The following BABAM2 variants were observed in gnomAD, a reference collection of about 807,000 sequenced individuals.
The protein encoded by BABAM2 is BRISC and BRCA1-A complex member 2.
In BABAM2, 31 loss-of-function variants were observed where a neutral mutation model predicts 54.7. The ratio of observed to expected loss-of-function variants is 0.57; its 90% CI spans 0.43 to 0.77. The LOEUF is 0.77. Ranked by LOEUF, BABAM2 falls within the 30% of genes least tolerant of loss-of-function variation. The pLI is 0.00. For synonymous variants in BABAM2, 167 were observed against 162.9 expected (o/e 1.03, Z -0.19); for missense variants, 364 against 455.8 (o/e 0.80, Z 1.83).
At chr2:28,111,973 C>T (rs2148727784) in intron 6 of BABAM2, among the ~76,000 whole-genome samples, 1 of 152,222 alleles carries the variant, frequency 6.6e-6, no homozygotes, top group Non-Finnish European at 1.5e-5. Context: ...CACTGAAAAA[C>T]ATCCATAGCT....
intron 11 of BABAM2, among the ~76,000 whole-genome samples, chr2:28,323,395 C>T (rs1296206731): frequency 1.3e-5 from 2 of 152,040 alleles, no homozygotes; most frequent in East Asian, 2.0e-4. Context: ...TCTAGCTAAG[C>T]GCTGGGAGAG....
chr2:28,318,862 C>T (rs143004845), intron 11 of BABAM2, among the ~76,000 whole-genome samples: 122 of 152,288 alleles, frequency 8.0e-4, no homozygotes, highest in African/African-American at 2.6e-3. Context: ...AATGCTGATT[C>T]GTCTGCTTAA....
chr2:28,260,941 C>CTTTTTTTTTT (rs34766123), intron 10 of BABAM2, among the ~76,000 whole-genome samples: 3 of 110,800 alleles, frequency 2.7e-5, no homozygotes, highest in African/African-American at 3.1e-5. Context: ...CATTTTCTTT[C>CTTTTTTTTTT]TTTTTTTTTT....
At chr2:28,004,732 A>G (rs1016347553) in intron 4 of BABAM2, among the ~76,000 whole-genome samples, 2 of 150,554 alleles carry the variant, frequency 1.3e-5, no homozygotes, top group Non-Finnish European at 3.0e-5. Context: ...TCTGTTGCCT[A>G]GGCTGGAAGT....
upstream of BABAM2, chr2:27,890,159 T>A (rs1558562766): frequency 5.4e-6 from 6 of 1,115,310 alleles, no homozygotes; most frequent in Admixed American, 3.9e-5. This position sits in a 1 kb window ranked among gnomAD's most constrained non-coding sequence, Gnocchi z 4.8. Context: ...GCACTGTCTA[T>A]CCCTGGAGAC....
At chr2:28,310,352 C>A in intron 11 of BABAM2, 1 of 531,424 alleles carries the variant, frequency 1.9e-6, no homozygotes, top group Non-Finnish European at 3.3e-6. Context: ...CCTGGCTCCC[C>A]TGGGGGAGGG....
rs143406206 is a variant in BABAM2 at position 28,290,581 on chromosome 2, C to T, written c.935-7757C>T. Among the ~76,000 whole-genome samples, 656 of 152,246 alleles carry T rather than the reference C, an allele frequency of 4.3e-3. 8 individuals carry two copies. Among genetic ancestry groups the T allele is most frequent in the African/African-American group, 0.015 (626 of 41,550 alleles). Reference sequence around the variant, plus strand: ...TACTGAGTGTTTCTCATGTGTCATGCGCTGTACTAAGTGCTAGAAATACTA... The same window carrying T: ...TACTGAGTGTTTCTCATGTGTCATGTGCTGTACTAAGTGCTAGAAATACTA... On this transcript the variant is annotated intron_variant, in intron 10 of 11. Coordinates refer to ENST00000379624, the MANE Select transcript of BABAM2 (RefSeq NM_199191.3).
At chr2:28,221,975 G>A (rs1680460591) in intron 7 of BABAM2, among the ~76,000 whole-genome samples, 1 of 152,204 alleles carries the variant, frequency 6.6e-6, no homozygotes, top group South Asian at 2.1e-4. Flanking sequence ...GAAACATCCA[G>A]AAAAGCAAGT....
chr2:28,221,965 G>A (rs1204586143), intron 7 of BABAM2, among the ~76,000 whole-genome samples: 1 of 152,136 alleles, frequency 6.6e-6, no homozygotes, highest in South Asian at 2.1e-4. Context: ...ATGAAATGAG[G>A]AAACATCCAG....
chr2:27,941,793 C>G (rs1668909267), intron 3 of BABAM2, among the ~76,000 whole-genome samples: 1 of 151,988 alleles, frequency 6.6e-6, no homozygotes, highest in East Asian at 1.9e-4. Context: ...TTAAGGATTC[C>G]ATACTATATC....
intron 2 of BABAM2, among the ~76,000 whole-genome samples, chr2:27,921,061 A>T (rs1667311649): frequency 6.6e-6 from 1 of 152,156 alleles, no homozygotes; most frequent in South Asian, 2.1e-4. Context: ...TTTGAGTCGG[A>T]TCTCAGTAAC....
chr2:28,018,374 A>G (rs1462303470), intron 4 of BABAM2, among the ~76,000 whole-genome samples: 4 of 152,144 alleles, frequency 2.6e-5, no homozygotes, highest in Non-Finnish European at 5.9e-5. Context: ...ATTCCATGAT[A>G]TATATCACAT....
chr2:28,241,112 T>C (rs1348736158), intron 8 of BABAM2, among the ~76,000 whole-genome samples: 2 of 152,148 alleles, frequency 1.3e-5, no homozygotes, highest in African/African-American at 4.8e-5. Context: ...TGTCTCTCAT[T>C]TCCTTTGAAG....
At chr2:28,314,736 C>T (rs1558523973) in intron 11 of BABAM2, among the ~76,000 whole-genome samples, 1 of 152,014 alleles carries the variant, frequency 6.6e-6, no homozygotes, top group South Asian at 2.1e-4. Context: ...AAGGTGGCAA[C>T]GTGCAGGGAA....
At chr2:28,236,458 G>C (rs1681926757) in intron 7 of BABAM2, among the ~76,000 whole-genome samples, 1 of 151,188 alleles carries the variant, frequency 6.6e-6, no homozygotes, top group African/African-American at 2.4e-5. Context: ...CCGCCTCCCA[G>C]GTTCAAGCAA....
intron 2 of BABAM2, among the ~76,000 whole-genome samples, chr2:27,922,292 G>C (rs17758075): frequency 6.6e-6 from 1 of 152,098 alleles, no homozygotes; most frequent in African/African-American, 2.4e-5. Context: ...ATAACATAGC[G>C]CTTGACACTA....
chr2:27,956,011 C>A (rs959912381), intron 3 of BABAM2, among the ~76,000 whole-genome samples: 3 of 151,700 alleles, frequency 2.0e-5, no homozygotes, highest in Non-Finnish European at 2.9e-5. Flanking sequence ...TGGTGATTAC[C>A]TTTACCCCAG....
intron 7 of BABAM2, among the ~76,000 whole-genome samples, chr2:28,147,806 A>G (rs1194161115): frequency 2.0e-5 from 3 of 152,140 alleles, no homozygotes; most frequent in East Asian, 3.9e-4. Flanking sequence ...AATAGGACAC[A>G]TGTCTCAACG....
rs955877391 is a variant in BABAM2, at chr2:28,101,289, C to T, written c.571-27982C>T. Among the ~76,000 whole-genome samples, 59 of 152,248 alleles carry T rather than the reference C, an allele frequency of 3.9e-4. 1 individual carries two copies. Among genetic ancestry groups the T allele is most frequent in the Admixed American group, 2.9e-3 (45 of 15,280 alleles). ...TATCTAGCATGCATGGACTCATTCA[C>T]ACATGATTCAAACAGCTGACACAAC... is the stretch of plus-strand genomic sequence containing the variant. On this transcript the variant is annotated intron_variant, in intron 6 of 11. Transcript: ENST00000379624.
Sources: allele counts gnomAD v4.1 joint callset (sites outside exome capture counted in the v4.1 genomes callset), GRCh38; gene constraint gnomAD v4.1.1; non-coding constraint Gnocchi (gnomAD v3.1); transcripts MANE v1.5; gene names NCBI Gene and HGNC (gene_info 2026-07-23, HGNC 2026-07-21).